Variants in CFAP54 observed in about 807,000 individuals in gnomAD.
The protein encoded by CFAP54 is cilia and flagella associated protein 54, also known as cilia- and flagella-associated protein 54.
Under a neutral mutation model 370.4 loss-of-function variants are expected in CFAP54, and 290 were observed. The observed-to-expected ratio is 0.78, with a 90% confidence interval of 0.71 to 0.86. The LOEUF is 0.86. CFAP54 is among the 40% of genes least tolerant of loss of function. The pLI, the probability that CFAP54 is intolerant of heterozygous loss-of-function variation, is 0.00. For synonymous variants in CFAP54, 1,206 were observed against 1,236.5 expected (o/e 0.98, Z 0.52); for missense variants, 3,399 against 3,528.7 (o/e 0.96, Z 0.93).
chr12:96,625,121 T>G (rs1026166574), intron 28 of CFAP54, among the ~76,000 whole-genome samples: 15 of 152,204 alleles, frequency 9.9e-5, no homozygotes, highest in Non-Finnish European at 2.1e-4. Flanking sequence ...GTGTTTTCTG[T>G]GTGCCAGTCA....
intron 66 of CFAP54, among the ~76,000 whole-genome samples, chr12:96,858,910 C>G (rs11108718): frequency 4.6e-5 from 7 of 152,082 alleles, no homozygotes; most frequent in Non-Finnish European, 8.8e-5. Flanking sequence ...ATTAATGGAA[C>G]TAAAATTATG....
intron 19 of CFAP54, among the ~76,000 whole-genome samples, chr12:96,575,272 T>G (rs1318852547): frequency 6.6e-6 from 1 of 152,132 alleles, no homozygotes; most frequent in Non-Finnish European, 1.5e-5. Flanking sequence ...TGTATATAAG[T>G]GCTGAATACA....
chr12:96,800,045 A>G (rs1958805455), intron 63 of CFAP54, among the ~76,000 whole-genome samples: 1 of 152,232 alleles, frequency 6.6e-6, no homozygotes, highest in African/African-American at 2.4e-5. Flanking sequence ...TGGAAGGAAT[A>G]CATAGTCGGG....
chr12:96,716,392 A>C (rs1957679495), intron 48 of CFAP54, among the ~76,000 whole-genome samples: 1 of 152,194 alleles, frequency 6.6e-6, no homozygotes, highest in Non-Finnish European at 1.5e-5. Flanking sequence ...CATTTTGACA[A>C]AGCATTTAGT....
intron 63 of CFAP54, among the ~76,000 whole-genome samples, chr12:96,793,283 T>C (rs1958722228): frequency 6.6e-6 from 1 of 152,182 alleles, no homozygotes; most frequent in African/African-American, 2.4e-5. Context: ...TGAGAACATA[T>C]GATGTTTGGT....
intron 65 of CFAP54, among the ~76,000 whole-genome samples, chr12:96,828,390 C>G (rs779278543): frequency 6.6e-6 from 1 of 152,116 alleles, no homozygotes; most frequent in African/African-American, 2.4e-5. Flanking sequence ...GGTTCTCACT[C>G]GTCTCTATCT....
chr12:96,621,454 G>C, intron 26 of CFAP54, 136 bp from the exon 27 acceptor site: 4 of 542,628 alleles, frequency 7.4e-6, no homozygotes, highest in Non-Finnish European at 5.8e-6. Context: ...GTAAACTTAC[G>C]GTTTTTTTTA....
intron 50 of CFAP54, among the ~76,000 whole-genome samples, chr12:96,735,490 A>T (rs1488918536): frequency 6.6e-6 from 1 of 152,206 alleles, no homozygotes; most frequent in Non-Finnish European, 1.5e-5. Flanking sequence ...CATAGTTAAG[A>T]CTGAGAAATG....
At chr12:96,557,371 C>A (rs1441933624) in intron 17 of CFAP54, among the ~76,000 whole-genome samples, 2 of 152,090 alleles carry the variant, frequency 1.3e-5, no homozygotes, top group Admixed American at 6.6e-5. Flanking sequence ...GAAGTTATGG[C>A]CAATATAATT....
rs1407076054 is a variant in CFAP54, at chr12:96,828,819, T to G, written c.9097-195T>G. On this transcript the variant is annotated intron_variant, in intron 65 of 67. Coordinates refer to ENST00000524981, the MANE Select transcript of CFAP54 (RefSeq NM_001306084.2). ...AAAATAATTATTTTCAAAATCTTAT[T>G]TTGTACAATTAGATACAATTCAAAA... is the stretch of plus-strand genomic sequence containing the variant. Among the ~76,000 whole-genome samples the G allele has an allele frequency of 2.0e-5, 3 of 152,168 alleles. No homozygotes were observed. The South Asian group carries it at 6.2e-4, about 31-fold the overall frequency.
intron 66 of CFAP54, among the ~76,000 whole-genome samples, chr12:96,856,571 A>G (rs1486413125): frequency 6.6e-6 from 1 of 152,146 alleles, no homozygotes; most frequent in Admixed American, 6.5e-5. Flanking sequence ...CCTTTGCTCC[A>G]GTTCCCAACA....
intron 60 of CFAP54, among the ~76,000 whole-genome samples, chr12:96,777,929 C>T (rs1226135888): frequency 6.6e-6 from 1 of 152,124 alleles, no homozygotes; most frequent in South Asian, 2.1e-4. Flanking sequence ...TACTGTTAGA[C>T]AAATATAAGC....
intron 62 of CFAP54, among the ~76,000 whole-genome samples, chr12:96,788,663 A>AT (rs112699766): frequency 3.9e-4 from 59 of 150,354 alleles, no homozygotes; most frequent in South Asian, 1.5e-3. Context: ...TAAATTATAC[A>AT]TTTTTTTTTT....
At chr12:96,506,895 C>G in intron 3 of CFAP54, 33 bp from the exon 4 acceptor site, 1 of 1,494,860 alleles carries the variant, frequency 6.7e-7, no homozygotes, top group South Asian at 1.3e-5. Context: ...CCAGTTATTT[C>G]TATTTCTATT....
At chr12:96,827,734 TATA>T in intron 65 of CFAP54, among the ~76,000 whole-genome samples, 1 of 123,336 alleles carries the variant, frequency 8.1e-6, no homozygotes, top group Non-Finnish European at 1.6e-5. Context: ...TTATATTTAA[TATA>T]ATTATATATA....
intron 63 of CFAP54, among the ~76,000 whole-genome samples, chr12:96,811,032 G>T (rs11833180): frequency 0.013 from 1,973 of 152,194 alleles, 57 homozygotes; most frequent in African/African-American, 0.045. Context: ...TTACTTTGGG[G>T]CTCTGTTCTC....
chr12:96,543,317 C>T (rs945793301), intron 14 of CFAP54, among the ~76,000 whole-genome samples: 3 of 152,164 alleles, frequency 2.0e-5, no homozygotes, highest in African/African-American at 7.2e-5. Context: ...AAAGGAAGCC[C>T]CATGTAATGC....
At chr12:96,571,331 C>T (rs1004082965) in intron 19 of CFAP54, among the ~76,000 whole-genome samples, 2 of 152,168 alleles carry the variant, frequency 1.3e-5, no homozygotes, top group African/African-American at 4.8e-5. Flanking sequence ...GTTTTGGTGG[C>T]ACATTGCAGT....
intron 20 of CFAP54, among the ~76,000 whole-genome samples, chr12:96,578,063 A>G (rs1450319385): frequency 6.6e-6 from 1 of 152,192 alleles, no homozygotes; most frequent in Admixed American, 6.6e-5. Context: ...TACTATCTAA[A>G]AAAACAAAAA....
Sources: allele counts gnomAD v4.1 joint callset (sites outside exome capture counted in the v4.1 genomes callset), GRCh38; gene constraint gnomAD v4.1.1; transcripts MANE v1.5; gene names NCBI Gene and HGNC (gene_info 2026-07-23, HGNC 2026-07-21).